HCK: variants seen among roughly 807,000 people sequenced by gnomAD.
The protein encoded by HCK is tyrosine-protein kinase HCK.
HCK carries 40 observed loss-of-function variants against 70.4 expected under a neutral mutation model. The observed-to-expected ratio is 0.57, with a 90% confidence interval of 0.44 to 0.74. The LOEUF (loss-of-function observed/expected upper bound fraction) is 0.74. Among genes scored for constraint, HCK ranks in the 30% least tolerant of loss-of-function variants. The pLI is 0.00. For missense variants in HCK, 568 were observed against 697.2 expected (o/e 0.81, Z 2.09); for synonymous variants, 245 against 263.2 (o/e 0.93, Z 0.67).
chr20:32,101,358 T>C lies in HCK; in HGVS notation c.1420T>C (p.Tyr474His), dbSNP rs1180089596. The change falls in exon 13 of 13, where the codon TAC becomes CAC. Residue 474 changes from tyrosine (Y) to histidine (H), a missense_variant. This residue lies in a region of HCK where 77 missense variants were observed against 85.0 expected (regional missense o/e 0.91). Coordinates refer to ENST00000375852, the MANE Select transcript of HCK (RefSeq NM_002110.5). ...AGTGATCCGAGCTCTGGAGCGTGGA[T>C]ACCGGATGCCTCGCCCAGAGAACTG... The C allele has an allele frequency of 6.2e-7, 1 of 1,614,176 alleles. No individual in the cohort carries two copies. The highest frequency in any genetic ancestry group is 8.5e-7 in the Non-Finnish European group (1 of 1,180,030).
At chr20:32,096,478 T>G (rs2045956950) in intron 11 of HCK, among the ~76,000 whole-genome samples, 1 of 126,074 alleles carries the variant, frequency 7.9e-6, no homozygotes, top group African/African-American at 3.1e-5. Flanking sequence ...CCAGCCTGGG[T>G]GATAGAGCGA....
At chr20:32,070,916 AGGGGGAAG>A (rs2045526986) in intron 1 of HCK, among the ~76,000 whole-genome samples, 1 of 118,150 alleles carries the variant, frequency 8.5e-6, no homozygotes, top group South Asian at 3.2e-4. Flanking sequence ...AGGACAGAGG[AGGGGGAAG>A]GAGGAGGAGG....
rs201979534 is a variant in HCK, at chr20:32,088,561, C to T, written c.1016-7C>T. 892 of 1,609,020 alleles carry T rather than the reference C, an allele frequency of 5.5e-4. 1 individual carries two copies. Among genetic ancestry groups the T allele is most frequent in the Non-Finnish European group, 6.8e-4 (805 of 1,177,876 alleles). ...TAGTAAATGTTCCTCCCCTCTCCCC[C>T]ATATAGGAAGCTTGCTGGACTTTCT... On this transcript the variant is annotated splice_region_variant and splice_polypyrimidine_tract_variant and intron_variant, in intron 9 of 12. Coordinates refer to ENST00000375852, the MANE Select transcript of HCK (RefSeq NM_002110.5).
At chr20:32,078,344 C>T (rs754283922) in intron 5 of HCK, among the ~76,000 whole-genome samples, 5 of 151,914 alleles carry the variant, frequency 3.3e-5, no homozygotes, top group African/African-American at 7.3e-5. Flanking sequence ...CGCGCCCAGC[C>T]GGGGGAGACA....
chr20:32,077,074 A>G (rs2045637963), intron 5 of HCK, among the ~76,000 whole-genome samples: 1 of 151,990 alleles, frequency 6.6e-6, no homozygotes, highest in Non-Finnish European at 1.5e-5. Flanking sequence ...ACAGAGCGAG[A>G]CTCTATCTCA....
At chr20:32,069,086 G>A (rs572499974) in intron 1 of HCK, among the ~76,000 whole-genome samples, 4 of 152,178 alleles carry the variant, frequency 2.6e-5, no homozygotes, top group African/African-American at 9.6e-5. Context: ...CATGATCCGG[G>A]GCAGTGTCAC....
chr20:32,076,064 T>C (rs2045619923), intron 5 of HCK, among the ~76,000 whole-genome samples: 1 of 152,194 alleles, frequency 6.6e-6, no homozygotes, highest in African/African-American at 2.4e-5. Context: ...GGCTCACACC[T>C]GTAATCCCAG....
At chr20:32,058,530 CA>C (rs11472244) in intron 1 of HCK, among the ~76,000 whole-genome samples, 2,884 of 130,470 alleles carry the variant, frequency 0.022, 98 homozygotes, top group African/African-American at 0.079. Flanking sequence ...AAGACTCTGT[CA>C]AAAAAAAAAA....
At chr20:32,087,628 A>T (rs1180780688) in intron 9 of HCK, among the ~76,000 whole-genome samples, 1 of 150,776 alleles carries the variant, frequency 6.6e-6, no homozygotes, top group Non-Finnish European at 1.5e-5. Flanking sequence ...TACCACACCC[A>T]GCTAATTTCT....
In HCK at chr20:32,079,915, G is replaced by A. The variant is rs770686517; in HGVS notation, c.532+38G>A. On this transcript the variant is annotated intron_variant, in intron 6 of 12. Coordinates refer to ENST00000375852, the MANE Select transcript of HCK (RefSeq NM_002110.5). ...CTCCCCACCTTGTCCTCCCTGCCGA[G>A]GTGCCCCAGCTGGGGCTGGCCACCA... 1.1e-5 allele frequency: 16 copies of A among 1,468,404 alleles called. No homozygotes were observed. The South Asian group carries it at 1.1e-4, about 11-fold the overall frequency. The allele number at this position is 1,468,404 out of a possible 1,614,324, so 91.0% of individuals were successfully genotyped here. A position where few individuals can be genotyped will look rare whatever the true frequency, so the allele number is the denominator to read the frequency against.
intron 6 of HCK, among the ~76,000 whole-genome samples, chr20:32,081,921 G>A (rs571892375): frequency 1.3e-5 from 2 of 152,316 alleles, no homozygotes; most frequent in South Asian, 4.1e-4. Flanking sequence ...GGGCATGTTG[G>A]GAATTTTAGC....
At chr20:32,064,808 A>T (rs2045432407) in intron 1 of HCK, among the ~76,000 whole-genome samples, 1 of 152,222 alleles carries the variant, frequency 6.6e-6, no homozygotes, top group Admixed American at 6.5e-5. Flanking sequence ...GCCAGGCACA[A>T]GCAAGCTGAC....
At chr20:32,068,917 C>G (rs1568971899) in intron 1 of HCK, among the ~76,000 whole-genome samples, 2 of 152,278 alleles carry the variant, frequency 1.3e-5, no homozygotes, top group East Asian at 3.9e-4. Flanking sequence ...GCACTCCAGC[C>G]TGGGTGACAG....
chr20:32,069,618 T>C (rs2045508820), intron 1 of HCK: 1 of 436,744 alleles, frequency 2.3e-6, no homozygotes. Flanking sequence ...TGCTTAATTA[T>C]GATAATTTTT....
rs189188215 is a variant in HCK at position 32,078,280 on chromosome 20, C to T, written c.429-1494C>T. ...CAGGATGGTCTCGAACTCCTGACCT[C>T]GTGATCCACCCGCCTCGGCCTCCCA... On this transcript the variant is annotated intron_variant, in intron 5 of 12. Coordinates refer to ENST00000375852, the MANE Select transcript of HCK (RefSeq NM_002110.5). Among the ~76,000 whole-genome samples, 455 of 150,876 alleles carry T rather than the reference C, an allele frequency of 3.0e-3. 4 individuals carry two copies. In the South Asian group the frequency reaches 0.036, roughly 12 times the overall value.
chr20:32,082,410 G>A (rs1220160784), intron 6 of HCK, among the ~76,000 whole-genome samples: 1 of 152,112 alleles, frequency 6.6e-6, no homozygotes. Context: ...GGGAGGCTGA[G>A]GCATGTGGAT....
chr20:32,094,577 A>G (rs1489643254), intron 11 of HCK, among the ~76,000 whole-genome samples: 1 of 151,762 alleles, frequency 6.6e-6, no homozygotes. Flanking sequence ...AGTTGTGGCT[A>G]CTCAGGAGGT....
chr20:32,101,527 G>A lies in HCK; in HGVS notation c.*8G>A. ...TACCAACAGCAGCCATGATAGGGAG[G>A]ACCAGGGCAGGGCCAGGGGGTGCCC... On this transcript the variant is annotated 3_prime_UTR_variant, in exon 13 of 13. Transcript: ENST00000375852. 3 of 1,609,712 alleles carry A rather than the reference G, an allele frequency of 1.9e-6. No individual in the cohort carries two copies. The highest frequency in any genetic ancestry group is 2.5e-6 in the Non-Finnish European group (3 of 1,177,734).
At chr20:32,061,197 T>A (rs886481781) in intron 1 of HCK, among the ~76,000 whole-genome samples, 1 of 152,224 alleles carries the variant, frequency 6.6e-6, no homozygotes, top group Non-Finnish European at 1.5e-5. Context: ...TTGGCCAGGC[T>A]GGTCTTGAAC....
Sources: allele counts gnomAD v4.1 joint callset (sites outside exome capture counted in the v4.1 genomes callset), GRCh38; gene constraint gnomAD v4.1.1; regional missense constraint gnomAD v4.1.1; transcripts MANE v1.5; gene names NCBI Gene and HGNC (gene_info 2026-07-23, HGNC 2026-07-21).